Variants in CFAP299 observed in about 807,000 individuals in gnomAD.
CFAP299 encodes the protein cilia- and flagella-associated protein 299.
Under a neutral mutation model 27.0 loss-of-function variants are expected in CFAP299, and 21 were observed. The ratio of observed to expected loss-of-function variants is 0.78; its 90% confidence interval spans 0.55 to 1.12. The LOEUF is 1.12. Ranked by LOEUF, CFAP299 falls within the 50% of genes most tolerant of loss-of-function variation. The pLI is 0.00. For missense variants in CFAP299, 310 were observed against 276.6 expected (o/e 1.12, Z -0.86); for synonymous variants, 104 against 98.1 (o/e 1.06, Z -0.36).
At chr4:80,557,907 G>A (rs538191493) in intron 2 of CFAP299, among the ~76,000 whole-genome samples, 5 of 152,058 alleles carry the variant, frequency 3.3e-5, no homozygotes, top group South Asian at 2.1e-4. Flanking sequence ...GCTAACTTTC[G>A]CCACCAAAAT....
chr4:80,660,125 C>T (rs1482135681), intron 3 of CFAP299, among the ~76,000 whole-genome samples: 2 of 151,976 alleles, frequency 1.3e-5, no homozygotes, highest in Non-Finnish European at 2.9e-5. Context: ...TACATTTAAT[C>T]AAATCAGTTT....
chr4:80,833,446 G>C (rs1259877341), intron 3 of CFAP299, among the ~76,000 whole-genome samples: 3 of 151,956 alleles, frequency 2.0e-5, no homozygotes, highest in Non-Finnish European at 4.4e-5. Flanking sequence ...AAAATAACAC[G>C]TACTGGCCCA....
At chr4:80,668,611 A>G (rs1419025618) in intron 3 of CFAP299, among the ~76,000 whole-genome samples, 1 of 152,132 alleles carries the variant, frequency 6.6e-6, no homozygotes, top group Non-Finnish European at 1.5e-5. Flanking sequence ...AGTTGGCTGT[A>G]AATATGTGGA....
At chr4:80,464,568 AT>A (rs1205873236) in intron 2 of CFAP299, among the ~76,000 whole-genome samples, 1 of 152,114 alleles carries the variant, frequency 6.6e-6, no homozygotes, top group East Asian at 1.9e-4. Flanking sequence ...CAAACTTCTC[AT>A]TTTTGTTTTA....
At chr4:80,636,570 G>C (rs943239480) in intron 3 of CFAP299, among the ~76,000 whole-genome samples, 8 of 152,160 alleles carry the variant, frequency 5.3e-5, no homozygotes, top group Non-Finnish European at 1.0e-4. Flanking sequence ...ACGATGCTCA[G>C]ATACGTTAAG....
intron 3 of CFAP299, among the ~76,000 whole-genome samples, chr4:80,735,548 T>G (rs1723806127): frequency 6.6e-6 from 1 of 152,152 alleles, no homozygotes; most frequent in South Asian, 2.1e-4. Context: ...TTTTTGTCTA[T>G]TCAATAAGAT....
intron 2 of CFAP299, among the ~76,000 whole-genome samples, chr4:80,508,280 T>C (rs1732129006): frequency 6.6e-6 from 1 of 152,198 alleles, no homozygotes. Context: ...TACTGTTCAA[T>C]GATAAAATTG....
chr4:80,816,684 C>G (rs1309608841), intron 3 of CFAP299, among the ~76,000 whole-genome samples: 1 of 152,058 alleles, frequency 6.6e-6, no homozygotes, highest in Non-Finnish European at 1.5e-5. Flanking sequence ...AGACTCTGGA[C>G]CCTTGATGAC....
intron 3 of CFAP299, among the ~76,000 whole-genome samples, chr4:80,816,478 A>T (rs533187973): frequency 6.6e-6 from 1 of 152,110 alleles, no homozygotes; most frequent in Non-Finnish European, 1.5e-5. Context: ...CTGGATGTCA[A>T]TTTTGATTCC....
intron 4 of CFAP299, among the ~76,000 whole-genome samples, chr4:80,922,776 T>G (rs139496379): frequency 1.4e-4 from 21 of 151,168 alleles, no homozygotes; most frequent in African/African-American, 5.1e-4. Flanking sequence ...TGAAATCACT[T>G]TGAATGCTCC....
chr4:80,732,520 C>A (rs1723597905), intron 3 of CFAP299, among the ~76,000 whole-genome samples: 1 of 152,086 alleles, frequency 6.6e-6, no homozygotes, highest in African/African-American at 2.4e-5. Flanking sequence ...ACATTCTATT[C>A]TTTAATTCTA....
chr4:80,842,911 A>T (rs1471712083), intron 3 of CFAP299, among the ~76,000 whole-genome samples: 1 of 152,098 alleles, frequency 6.6e-6, no homozygotes, highest in Non-Finnish European at 1.5e-5. Context: ...ACCATAAAAT[A>T]CATTAAATGC....
chr4:80,666,560 C>A (rs1045815172), intron 3 of CFAP299, among the ~76,000 whole-genome samples: 2 of 152,142 alleles, frequency 1.3e-5, no homozygotes, highest in African/African-American at 4.8e-5. Context: ...CATCTTATGT[C>A]TTCCTTCTCA....
intron 3 of CFAP299, among the ~76,000 whole-genome samples, chr4:80,847,906 C>T (rs1173169261): frequency 1.3e-5 from 2 of 152,058 alleles, no homozygotes; most frequent in African/African-American, 4.8e-5. Context: ...GGACAGGAAA[C>T]ATATTAAGGA....
chr4:80,576,199 T>A (rs201136735), intron 2 of CFAP299, among the ~76,000 whole-genome samples: 189 of 15,846 alleles, frequency 0.012, no homozygotes, highest in Non-Finnish European at 0.018. Context: ...AAAAAAAAAA[T>A]ATATATATAT....
At chr4:80,918,643 TA>T (rs1406801151) in intron 4 of CFAP299, among the ~76,000 whole-genome samples, 15 of 152,134 alleles carry the variant, frequency 9.9e-5, no homozygotes, top group South Asian at 4.2e-4. Flanking sequence ...TGGTTTTATG[TA>T]AAAAAAATTT....
chr4:80,418,932 T>C (rs1275842990), intron 2 of CFAP299, among the ~76,000 whole-genome samples: 1 of 152,200 alleles, frequency 6.6e-6, no homozygotes. Context: ...ACTTGGCCAT[T>C]GTTAATGGCA....
At chr4:80,571,457 G>GA (rs201601251) in intron 2 of CFAP299, among the ~76,000 whole-genome samples, 11 of 151,970 alleles carry the variant, frequency 7.2e-5, no homozygotes, top group South Asian at 2.1e-4. Context: ...CTCACATGAT[G>GA]AAAAAAACTT....
intron 3 of CFAP299, among the ~76,000 whole-genome samples, chr4:80,768,644 A>AT (rs999115369): frequency 2.6e-5 from 4 of 152,090 alleles, no homozygotes; most frequent in East Asian, 1.9e-4. Flanking sequence ...ACAGAAAATT[A>AT]TTTTTTTGCC....
Sources: allele counts gnomAD v4.1 joint callset (sites outside exome capture counted in the v4.1 genomes callset), GRCh38; gene constraint gnomAD v4.1.1; transcripts MANE v1.5; gene names NCBI Gene and HGNC (gene_info 2026-07-23, HGNC 2026-07-21).